Variants in RBFOX1 observed in about 807,000 individuals in gnomAD.
RBFOX1 encodes the protein RNA binding fox-1 homolog 1.
RBFOX1 carries 8 observed loss-of-function variants against 57.7 expected under a neutral mutation model. That is an observed-to-expected ratio of 0.14 (90% CI 0.08 to 0.25). The LOEUF (loss-of-function observed/expected upper bound fraction) is 0.25. Ranked by LOEUF, RBFOX1 falls within the 10% of genes least tolerant of loss-of-function variation. The pLI is 1.00. For missense variants in RBFOX1, 611 were observed against 548.5 expected (o/e 1.11, Z -1.14); for synonymous variants, 326 against 222.4 (o/e 1.47, Z -4.15).
At chr16:5,942,562 T>G (rs939107437) in intron 4 of RBFOX1, among the ~76,000 whole-genome samples, 1 of 152,228 alleles carries the variant, frequency 6.6e-6, no homozygotes, top group Non-Finnish European at 1.5e-5. Context: ...TAATTATGCC[T>G]ACCTCTTAGC....
At chr16:7,518,115 C>A in intron 4 of RBFOX1, 32 bp from the exon 5 acceptor site, 2 of 1,570,590 alleles carry the variant, frequency 1.3e-6, no homozygotes, top group Admixed American at 1.8e-5. Flanking sequence ...TCATGACGTT[C>A]TCTCCCTCTC....
intron 4 of RBFOX1, among the ~76,000 whole-genome samples, chr16:7,145,984 C>G (rs556928854): frequency 6.6e-6 from 1 of 152,176 alleles, no homozygotes; most frequent in African/African-American, 2.4e-5. Flanking sequence ...ACTAGTCACC[C>G]CATCTGTGTC....
At chr16:7,042,664 G>T (rs375138081) in intron 3 of RBFOX1, among the ~76,000 whole-genome samples, 3 of 152,196 alleles carry the variant, frequency 2.0e-5, no homozygotes, top group Non-Finnish European at 4.4e-5. Context: ...AGTGGCTTGC[G>T]CCTGTAATGC....
chr16:6,079,570 A>G (rs77891042), intron 1 of RBFOX1, among the ~76,000 whole-genome samples: 62,280 of 150,796 alleles, frequency 0.41, 14,266 homozygotes, highest in Non-Finnish European at 0.54. Context: ...CTGATCCACC[A>G]GCCTCCCAAA....
intron 2 of RBFOX1, among the ~76,000 whole-genome samples, chr16:6,327,321 C>T (rs1439791994): frequency 6.6e-6 from 1 of 152,074 alleles, no homozygotes; most frequent in Non-Finnish European, 1.5e-5. Context: ...CTTAGAATAT[C>T]TAGTAGGTTT....
At chr16:6,164,781 T>C (rs973612153) in intron 1 of RBFOX1, among the ~76,000 whole-genome samples, 1 of 152,178 alleles carries the variant, frequency 6.6e-6, no homozygotes, top group Non-Finnish European at 1.5e-5. Flanking sequence ...TATGGAAATA[T>C]TTTAATTGCC....
intron 3 of RBFOX1, among the ~76,000 whole-genome samples, chr16:7,016,920 T>G (rs1164113293): frequency 6.6e-6 from 1 of 152,174 alleles, no homozygotes; most frequent in African/African-American, 2.4e-5. Flanking sequence ...AATCCCTCAC[T>G]GGCATTTTGG....
chr16:5,583,495 T>G (rs575346908), intron 2 of RBFOX1, among the ~76,000 whole-genome samples: 1 of 152,316 alleles, frequency 6.6e-6, no homozygotes, highest in South Asian at 2.1e-4. Flanking sequence ...CTTTACTTTT[T>G]TTTGTCTGTA....
chr16:7,390,441 G>A (rs1473906027), intron 4 of RBFOX1, among the ~76,000 whole-genome samples: 1 of 152,214 alleles, frequency 6.6e-6, no homozygotes, highest in African/African-American at 2.4e-5. Flanking sequence ...AGTTTCAGTT[G>A]CAGGGACCTT....
chr16:5,883,356 C>G (rs1235060948), intron 4 of RBFOX1, among the ~76,000 whole-genome samples: 3 of 152,066 alleles, frequency 2.0e-5, no homozygotes, highest in Non-Finnish European at 4.4e-5. Context: ...ACAATAACAA[C>G]AAAAATACAA....
intron 3 of RBFOX1, among the ~76,000 whole-genome samples, chr16:6,948,428 C>T (rs1282865590): frequency 2.4e-4 from 27 of 111,014 alleles, no homozygotes; most frequent in African/African-American, 9.3e-4. Context: ...ACTCTGTTGC[C>T]CAGGCTGGAG....
At chr16:5,794,480 C>G (rs55774086) in intron 3 of RBFOX1, among the ~76,000 whole-genome samples, 33,119 of 152,004 alleles carry the variant, frequency 0.22, 4,066 homozygotes, top group East Asian at 0.4. Flanking sequence ...CAGAGGCACA[C>G]TCACCTTATG....
intron 3 of RBFOX1, among the ~76,000 whole-genome samples, chr16:5,758,997 C>G (rs533552406): frequency 1.3e-5 from 2 of 152,198 alleles, no homozygotes; most frequent in African/African-American, 4.8e-5. Context: ...TGCAGTTAAA[C>G]CATGGTGAGT....
chr16:7,690,499 C>T (rs1046845646), intron 14 of RBFOX1, among the ~76,000 whole-genome samples: 1 of 152,054 alleles, frequency 6.6e-6, no homozygotes, highest in Non-Finnish European at 1.5e-5. Context: ...AACTAAGGAA[C>T]AGACCAGTTT....
intron 9 of RBFOX1, among the ~76,000 whole-genome samples, chr16:7,601,028 G>T (rs893997310): frequency 5.9e-5 from 9 of 152,168 alleles, no homozygotes; most frequent in Non-Finnish European, 2.9e-5. Context: ...ATCAAATGTT[G>T]GATCTGCAAT....
At chr16:6,957,582 G>C (rs2082138259) in intron 3 of RBFOX1, among the ~76,000 whole-genome samples, 1 of 152,036 alleles carries the variant, frequency 6.6e-6, no homozygotes, top group Admixed American at 6.6e-5. Flanking sequence ...GGTTTTGGTG[G>C]GTTATGGCAT....
intron 2 of RBFOX1, among the ~76,000 whole-genome samples, chr16:6,549,565 G>A (rs1003385868): frequency 6.2e-5 from 9 of 145,374 alleles, no homozygotes; most frequent in African/African-American, 2.3e-4. Flanking sequence ...GAGGAGGGGA[G>A]GAAGGGAGGA....
At chr16:6,462,612 T>G (rs1298725308) in intron 2 of RBFOX1, among the ~76,000 whole-genome samples, 2 of 152,204 alleles carry the variant, frequency 1.3e-5, no homozygotes, top group South Asian at 2.1e-4. Flanking sequence ...TTTGGTACTT[T>G]CTGTTGGCTA....
intron 1 of RBFOX1, among the ~76,000 whole-genome samples, chr16:6,071,075 C>T (rs1351028895): frequency 6.6e-6 from 1 of 152,176 alleles, no homozygotes; most frequent in Non-Finnish European, 1.5e-5. Context: ...GTAACCCCAG[C>T]ACTTTGGGAG....
Sources: allele counts gnomAD v4.1 joint callset (sites outside exome capture counted in the v4.1 genomes callset), GRCh38; gene constraint gnomAD v4.1.1; transcripts MANE v1.5; gene names NCBI Gene and HGNC (gene_info 2026-07-23, HGNC 2026-07-21).